Variants in ZNF93 observed in about 807,000 individuals in gnomAD.
ZNF93 encodes the protein zinc finger protein 505.
ZNF93 carries 29 observed loss-of-function variants against 45.0 expected under a neutral mutation model. The observed-to-expected ratio is 0.64, with a 90% CI of 0.48 to 0.88. The LOEUF (loss-of-function observed/expected upper bound fraction) is 0.88. ZNF93 is among the 40% of genes least tolerant of loss of function. The pLI, the probability that ZNF93 is intolerant of heterozygous loss-of-function variation, is 0.00. For synonymous variants in ZNF93, 223 were observed against 244.6 expected, an observed-to-expected ratio of 0.91 and a Z score of 0.82; for missense variants, 578 against 724.0, an observed-to-expected ratio of 0.80 and a Z score of 2.31.
intron 3 of ZNF93, among the ~76,000 whole-genome samples, chr19:19,921,542 T>C (rs2063342514): frequency 6.6e-6 from 1 of 152,164 alleles, no homozygotes; most frequent in South Asian, 2.1e-4. Flanking sequence ...GATAATGGGG[T>C]GTTAAAGTCT....
At chr19:19,922,809 CT>C (rs1209462051) in intron 3 of ZNF93, among the ~76,000 whole-genome samples, 3 of 152,178 alleles carry the variant, frequency 2.0e-5, no homozygotes, top group African/African-American at 7.2e-5. Flanking sequence ...AAGGACTTCT[CT>C]GCATTGGTTC....
intron 1 of ZNF93, chr19:19,908,166 C>T (rs190247352): frequency 6.6e-6 from 1 of 152,250 alleles, no homozygotes; most frequent in East Asian, 1.9e-4. Flanking sequence ...CAAATAAAGA[C>T]AGGTGATGTG....
chr19:19,926,977 C>G (rs1288155330), intron 3 of ZNF93: 2 of 391,854 alleles, frequency 5.1e-6, no homozygotes, highest in East Asian at 7.3e-5. Context: ...GAAAGAAACA[C>G]TTTTGTGATT....
chr19:19,932,742 A>G (rs11085283), intron 3 of ZNF93: 23,505 of 148,898 alleles, frequency 0.16, 2,086 homozygotes, highest in East Asian at 0.41. Flanking sequence ...TAGCTTTTTG[A>G]TGTGTTTTGA....
intron 3 of ZNF93, among the ~76,000 whole-genome samples, chr19:19,929,352 A>G (rs1269727310): frequency 1.3e-5 from 2 of 152,188 alleles, no homozygotes; most frequent in Non-Finnish European, 2.9e-5. Flanking sequence ...AAAAGAATCA[A>G]TATAGTCTAT....
chr19:19,931,763 C>T (rs1311695510), intron 3 of ZNF93, among the ~76,000 whole-genome samples: 1 of 151,912 alleles, frequency 6.6e-6, no homozygotes, highest in Non-Finnish European at 1.5e-5. Context: ...TTCTCATTTC[C>T]TGTTTTACTT....
In ZNF93 at chr19:19,916,565, G is replaced by T. The variant is rs748602598; in HGVS notation, c.136G>T (p.Val46Phe). The T allele has an allele frequency of 6.8e-6, 11 of 1,611,506 alleles. No homozygotes were observed. The South Asian group carries it at 1.1e-4, about 16-fold the overall frequency. ...NYSNLVFLGI[V>F]VSKPDLIAHL... ...ATTTATTCTTAACAAAACAGGTATT[G>T]TTGTCTCTAAGCCAGACCTGATCGC... Residue 46 changes from valine to phenylalanine, a missense_variant, in exon 3 of 4, where the codon GTT (valine) becomes TTT (phenylalanine). By Grantham distance (50) the Val-to-Phe change is conservative (BLOSUM62 -1). Coordinates refer to ENST00000343769, the MANE Select transcript of ZNF93 (RefSeq NM_031218.4).
chr19:19,930,072 A>T (rs550419787), intron 3 of ZNF93, among the ~76,000 whole-genome samples: 1 of 152,024 alleles, frequency 6.6e-6, no homozygotes, highest in African/African-American at 2.4e-5. Context: ...GTCTGGCTGC[A>T]GTGTTATTTA....
chr19:19,928,139 A>C (rs2063361704), intron 3 of ZNF93, among the ~76,000 whole-genome samples: 1 of 152,198 alleles, frequency 6.6e-6, no homozygotes, highest in African/African-American at 2.4e-5. Flanking sequence ...ATGTTTTTGT[A>C]TCATTCAAGA....
At chr19:19,923,622 G>T (rs542517423) in intron 3 of ZNF93, among the ~76,000 whole-genome samples, 1 of 152,126 alleles carries the variant, frequency 6.6e-6, no homozygotes, top group Non-Finnish European at 1.5e-5. Context: ...AATGGCAGGC[G>T]CCCCTCCCCC....
intron 1 of ZNF93, among the ~76,000 whole-genome samples, chr19:19,913,880 C>T (rs1273057487): frequency 1.3e-5 from 2 of 152,198 alleles, no homozygotes; most frequent in East Asian, 3.8e-4. Context: ...GCTGTGTCCA[C>T]TCTGCCTCCT....
At chr19:19,923,359 C>T (rs1053304601) in intron 3 of ZNF93, among the ~76,000 whole-genome samples, 1 of 152,152 alleles carries the variant, frequency 6.6e-6, no homozygotes, top group Non-Finnish European at 1.5e-5. Context: ...CTTGGGGGTG[C>T]CTTCCAGTTA....
At chr19:19,903,213 G>T (rs1389927846) in intron 1 of ZNF93, among the ~76,000 whole-genome samples, 1 of 152,070 alleles carries the variant, frequency 6.6e-6, no homozygotes, top group Non-Finnish European at 1.5e-5. Context: ...GGCAGAAAAG[G>T]GCTTTTCTCC....
intron 1 of ZNF93, chr19:19,908,513 C>G (rs1029843874): frequency 1.1e-4 from 17 of 152,010 alleles, no homozygotes; most frequent in African/African-American, 3.6e-4. Flanking sequence ...CTAATCTGAG[C>G]TTTTTCTTGA....
chr19:19,908,032 ATT>A (rs2063297729), intron 1 of ZNF93, among the ~76,000 whole-genome samples: 1 of 152,196 alleles, frequency 6.6e-6, no homozygotes, highest in Non-Finnish European at 1.5e-5. Context: ...TCCAAAGAAA[ATT>A]TACTACCAAA....
intron 3 of ZNF93, among the ~76,000 whole-genome samples, chr19:19,919,253 A>T (rs1228954306): frequency 6.6e-6 from 1 of 152,182 alleles, no homozygotes; most frequent in Non-Finnish European, 1.5e-5. Flanking sequence ...GTCAAAGATC[A>T]GATAGTTGTA....
chr19:19,934,890 C>A lies in ZNF93; in HGVS notation c.*72C>A. 1 of 1,477,254 alleles carries A rather than the reference C, an allele frequency of 6.8e-7. No homozygotes were observed. Among genetic ancestry groups the A allele is most frequent in the Non-Finnish European group, 9.1e-7 (1 of 1,099,576 alleles). 91.5% of individuals were successfully genotyped at this position (1,477,254 alleles called of 1,614,324 possible). On this transcript the variant is annotated 3_prime_UTR_variant, in exon 4 of 4. Transcript: ENST00000343769. ...CTATACACTGAGAGTTCTGAACTTA[C>A]TCTGTAACCATCCCAAACTCCTCCC...
At chr19:19,924,853 A>G (rs1398127786) in intron 3 of ZNF93, among the ~76,000 whole-genome samples, 1 of 152,102 alleles carries the variant, frequency 6.6e-6, no homozygotes, top group Non-Finnish European at 1.5e-5. Flanking sequence ...AGCCTCCCAA[A>G]GTGCTGGAAT....
chr19:19,901,832 C>T (rs4809007), intron 1 of ZNF93, among the ~76,000 whole-genome samples: 23,339 of 152,120 alleles, frequency 0.15, 2,072 homozygotes, highest in East Asian at 0.41. Context: ...TGGCTGATGC[C>T]TGTAATCCCA....
Sources: gnomAD v4.1 joint callset for allele counts (sites outside exome capture counted in the v4.1 genomes callset) on GRCh38, gnomAD v4.1.1 for gene constraint, MANE v1.5 for transcripts, NCBI Gene and HGNC (gene_info 2026-07-23, HGNC 2026-07-21) for gene names.